The following MYLK3 variants were observed in gnomAD, a reference collection of about 807,000 sequenced individuals.
The protein encoded by MYLK3 is myosin light chain kinase 3.
In MYLK3, 55 loss-of-function variants were observed where a neutral mutation model predicts 76.3. The observed-to-expected ratio is 0.72, with a 90% CI of 0.58 to 0.90. MYLK3 has a LOEUF of 0.90. MYLK3 is among the 40% of genes least tolerant of loss of function. MYLK3 has a pLI of 0.00. For missense variants in MYLK3, 973 were observed against 1,053.6 expected (o/e 0.92, Z 1.06); for synonymous variants, 416 against 425.4 (o/e 0.98, Z 0.27).
At chr16:46,707,848 G>A (rs1966642261) in intron 12 of MYLK3, 85 bp from the exon 13 acceptor site, 3 of 958,580 alleles carry the variant, frequency 3.1e-6, no homozygotes, top group Non-Finnish European at 4.8e-6. Flanking sequence ...AAGGATTTAA[G>A]TGAGTCCAGC....
At chr16:46,760,246 G>A (rs1967259526) in intron 1 of MYLK3, among the ~76,000 whole-genome samples, 1 of 152,192 alleles carries the variant, frequency 6.6e-6, no homozygotes, top group South Asian at 2.1e-4. Context: ...TGTTCACTGT[G>A]GACGAGAGGG....
chr16:46,760,145 C>T lies in MYLK3; in HGVS notation c.-114+2895G>A, dbSNP rs530577674. On this transcript the variant is annotated intron_variant, in intron 1 of 11. Transcript: ENST00000536476. ...CTGCTCATCCAAGGGGGAGGGACCA[C>T]TGCCCCATTTCACTCGTGGAGAGAC... Among the ~76,000 whole-genome samples, 4 of 152,348 alleles carry T rather than the reference C, an allele frequency of 2.6e-5. No homozygotes were observed. The South Asian group carries it at 8.3e-4, about 32-fold the overall frequency.
In MYLK3 at chr16:46,729,626, T is replaced by C; in HGVS notation, c.1630A>G (p.Lys544Glu). The change falls in exon 6 of 13, where the codon AAG (lysine) becomes GAG (glutamate). Residue 544 changes from lysine to glutamate, a missense_variant. Around this residue, in one of 2 missense-constraint regions of MYLK3, gnomAD observed 332 missense variants for 416.6 expected, o/e 0.80. Coordinates refer to ENST00000394809, the MANE Select transcript of MYLK3 (RefSeq NM_182493.3). The part of the protein sequence containing the change: ...EKSTGLPLAA[K>E]IIKVKSAKDR... ...TTGGCGCTCTTCACTTTGATGATCTTGGCAGCCAGTGGGAGGCCTGTGGAC... is the reference window on the plus strand; with the variant it reads ...TTGGCGCTCTTCACTTTGATGATCTCGGCAGCCAGTGGGAGGCCTGTGGAC... 1.9e-6 allele frequency: 3 copies of C among 1,613,730 alleles called. No homozygotes were observed. The highest frequency in any genetic ancestry group is 2.5e-6 in the Non-Finnish European group (3 of 1,179,796).
upstream of MYLK3, among the ~76,000 whole-genome samples, chr16:46,751,374 T>C (rs1232336168): frequency 6.6e-6 from 1 of 151,822 alleles, no homozygotes; most frequent in Non-Finnish European, 1.5e-5. Flanking sequence ...GCCACTGCAC[T>C]CCAGCCTGGG....
chr16:46,747,444 C>T (rs1290126247), intron 1 of MYLK3, among the ~76,000 whole-genome samples: 2 of 152,238 alleles, frequency 1.3e-5, no homozygotes, highest in Admixed American at 1.3e-4. Flanking sequence ...AAACCGCCAG[C>T]GTGTCCCCCA....
At chr16:46,726,883 G>A (rs252721) in intron 8 of MYLK3, 124,973 of 160,322 alleles carry the variant, frequency 0.78, 49,997 homozygotes, top group East Asian at 1. Flanking sequence ...GCTGGCGGGA[G>A]GAACTTTCAC....
intron 9 of MYLK3, among the ~76,000 whole-genome samples, chr16:46,718,927 A>G (rs916903363): frequency 1.3e-5 from 2 of 151,408 alleles, no homozygotes; most frequent in Admixed American, 1.3e-4. Context: ...ACAGAGCAAG[A>G]CTCTGTCTGA....
rs1174426871 is a variant in MYLK3 at position 46,721,146 on chromosome 16, G to T, written c.1962C>A (p.Ile654=). ...CVNQTGHQIK[I]IDFGLARRYK... is the part of the protein sequence containing the mutation. ...ACCTTCTGGCCAGCCCAAAGTCAAT[G>T]ATCTTAATTTGATGTCCTGTCTGAT... The change falls in exon 9 of 13, where the codon ATC becomes ATA. Residue 654 remains isoleucine (I), a synonymous_variant. Transcript: ENST00000394809. 6.2e-7 allele frequency: 1 copy of T among 1,614,160 alleles called. No individual in the cohort carries two copies. Among genetic ancestry groups the T allele is most frequent in the East Asian group, 2.2e-5 (1 of 44,882 alleles).
At chr16:46,729,908 T>A in intron 5 of MYLK3, 1 of 597,798 alleles carries the variant, frequency 1.7e-6, no homozygotes, top group South Asian at 2.0e-5. Flanking sequence ...CCAGGGAACA[T>A]CCCCTCATCC....
chr16:46,737,601 G>T, intron 3 of MYLK3, 110 bp downstream of exon 3: 3 of 1,109,370 alleles, frequency 2.7e-6, no homozygotes, highest in Non-Finnish European at 3.8e-6. Context: ...CATTCCCCTC[G>T]CAAGAACAGC....
At chr16:46,740,231 T>C in intron 1 of MYLK3, 84 bp from the exon 2 acceptor site, 1 of 1,066,802 alleles carries the variant, frequency 9.4e-7, no homozygotes, top group Admixed American at 1.7e-5. Context: ...ACCTCCCCCT[T>C]GTTTAAGATA....
In MYLK3 at chr16:46,702,749, A is replaced by G. The variant is rs1353004467; in HGVS notation, c.*4955T>C. On this transcript the variant is annotated 3_prime_UTR_variant, in exon 13 of 13. Transcript: ENST00000394809. ...ATCCTGGCCAGCATGGTGAAAGCCC[A>G]TCTCTACTAAAAACACAAAAATTAG... Among the ~76,000 whole-genome samples the G allele has an allele frequency of 1.3e-5, 2 of 152,052 alleles. No individual in the cohort carries two copies. The highest frequency in any genetic ancestry group is 4.8e-5 in the African/African-American group (2 of 41,420).
intron 1 of MYLK3, among the ~76,000 whole-genome samples, chr16:46,744,182 G>A (rs1318233765): frequency 2.6e-5 from 4 of 151,716 alleles, no homozygotes; most frequent in East Asian, 1.9e-4. Flanking sequence ...ACAAGTGCAC[G>A]CCACCATGCC....
In MYLK3 at chr16:46,748,292, C is replaced by T. The variant is rs1967066822; in HGVS notation, c.-99G>A. On this transcript the variant is annotated 5_prime_UTR_variant, in exon 1 of 13. Coordinates refer to ENST00000394809, the MANE Select transcript of MYLK3 (RefSeq NM_182493.3). This position sits in a 1 kb window ranked among gnomAD's most constrained non-coding sequence, Gnocchi z 4.3. The stretch of plus-strand genomic sequence containing the variant: ...TGGTGTCTGCAAGGTCATTGTCCTC[C>T]GTAGCTGACAGACTCCTGGCAGCAC... 2.0e-5 allele frequency: 30 copies of T among 1,464,826 alleles called. No homozygotes were observed. The highest frequency in any genetic ancestry group is 2.5e-5 in the Admixed American group (1 of 39,616). The allele number at this position is 1,464,826 out of a possible 1,614,324, so 90.7% of individuals were successfully genotyped here. A position where few individuals can be genotyped will look rare whatever the true frequency, so the allele number is the denominator to read the frequency against.
At chr16:46,757,439 A>T in intron 1 of MYLK3, 1 of 985,452 alleles carries the variant, frequency 1.0e-6, no homozygotes, top group Non-Finnish European at 1.2e-6. Context: ...ATCTGGGTGT[A>T]ACCCGACGCC....
Position 46,709,689 on chromosome 16 carries a change from A to G in MYLK3, c.2268-18T>C. On this transcript the variant is annotated intron_variant, in intron 11 of 12. Coordinates refer to ENST00000394809, the MANE Select transcript of MYLK3 (RefSeq NM_182493.3). The stretch of plus-strand genomic sequence containing the variant: ...TTCTGCAGCTGTGAAATCAAAGAGC[A>G]GTTAAGACTTTTAGTTGGAGTTGCC... 1 of 1,604,504 alleles carries G rather than the reference A, an allele frequency of 6.2e-7. No homozygotes were observed. The highest frequency in any genetic ancestry group is 1.1e-5 in the South Asian group (1 of 88,810).
chr16:46,711,346 C>G (rs1438429117), intron 10 of MYLK3, among the ~76,000 whole-genome samples: 1 of 152,060 alleles, frequency 6.6e-6, no homozygotes, highest in Non-Finnish European at 1.5e-5. Context: ...AATCAGGAGA[C>G]CAGAAGTAAA....
rs377455742 is a variant in MYLK3, at chr16:46,727,822, G to A, written c.1773-445C>T. Among the ~76,000 whole-genome samples, 52 of 152,260 alleles carry A rather than the reference G, an allele frequency of 3.4e-4. No individual in the cohort carries two copies. In the East Asian group the frequency reaches 6.2e-3, roughly 18 times the overall value. ...GATTATAGGCGTGAGCCACCCCGCC[G>A]GGCCTGCCATTGGGGTTTTATTGGG... On this transcript the variant is annotated intron_variant, in intron 7 of 12. Transcript: ENST00000394809.
chr16:46,720,869 CT>C (rs374283267), intron 9 of MYLK3, among the ~76,000 whole-genome samples: 4 of 152,316 alleles, frequency 2.6e-5, no homozygotes, highest in African/African-American at 9.6e-5. Context: ...ACTCTCCTCT[CT>C]TCTGACAGGT....
Sources: gnomAD v4.1 joint callset for allele counts (sites outside exome capture counted in the v4.1 genomes callset) on GRCh38, gnomAD v4.1.1 for gene constraint, gnomAD v4.1.1 regional missense constraint, Gnocchi (gnomAD v3.1) non-coding constraint, MANE v1.5 for transcripts, NCBI Gene and HGNC (gene_info 2026-07-23, HGNC 2026-07-21) for gene names.